The following GLT1D1 variants were observed in gnomAD, a reference collection of about 807,000 sequenced individuals.
The protein encoded by GLT1D1 is glycosyltransferase 1 domain-containing protein 1.
A neutral mutation model predicts 28.7 loss-of-function variants in GLT1D1; 21 were observed. That is an observed-to-expected ratio of 0.73 (90% CI 0.52 to 1.05). The LOEUF is 1.05. GLT1D1 is among the 50% of genes least tolerant of loss of function. The probability of loss-of-function intolerance (pLI) is 0.00; values close to 1 mark genes in which losing one functional copy is unlikely to be tolerated. For synonymous variants in GLT1D1, 147 were observed against 124.8 expected (o/e 1.18, Z -1.19); for missense variants, 343 against 330.6 (o/e 1.04, Z -0.29).
chr12:128,970,032 C>T (rs1878883269), intron 7 of GLT1D1, among the ~76,000 whole-genome samples: 1 of 152,210 alleles, frequency 6.6e-6, no homozygotes, highest in African/African-American at 2.4e-5. Flanking sequence ...AAATGCAGTC[C>T]CCAGTCAGCG....
chr12:128,971,356 T>G (rs1220501004), intron 7 of GLT1D1, among the ~76,000 whole-genome samples: 3 of 129,174 alleles, frequency 2.3e-5, no homozygotes, highest in Non-Finnish European at 4.8e-5. Flanking sequence ...CTTCATCTGT[T>G]CTTTGCTCCC....
At chr12:128,931,461 C>T (rs1873878404) in intron 4 of GLT1D1, among the ~76,000 whole-genome samples, 1 of 151,800 alleles carries the variant, frequency 6.6e-6, no homozygotes, top group East Asian at 1.9e-4. Context: ...GCGCCTACCA[C>T]TACGTCCGGC....
At chr12:128,912,187 T>G in intron 4 of GLT1D1, among the ~76,000 whole-genome samples, 1 of 152,182 alleles carries the variant, frequency 6.6e-6, no homozygotes, top group Admixed American at 6.5e-5. Context: ...AGAGACTTTT[T>G]GTGTGTGTGC....
chr12:128,889,017 G>T (rs1349666702), intron 3 of GLT1D1, among the ~76,000 whole-genome samples: 1 of 152,134 alleles, frequency 6.6e-6, no homozygotes, highest in South Asian at 2.1e-4. Context: ...AGTGAGGCAC[G>T]CCTGTGGTCC....
chr12:128,875,800 C>CAACAAA, intron 1 of GLT1D1, 114 bp from the exon 2 acceptor site: 4 of 919,276 alleles, frequency 4.4e-6, no homozygotes, highest in Non-Finnish European at 6.5e-6. Context: ...AACTCTGTCT[C>CAACAAA]AACAACAACA....
At chr12:128,943,349 TTC>T (rs1555272705) in intron 4 of GLT1D1, among the ~76,000 whole-genome samples, 1 of 152,030 alleles carries the variant, frequency 6.6e-6, no homozygotes, top group African/African-American at 2.4e-5. Flanking sequence ...GTTTTCTCTT[TTC>T]TCTCTTTTTT....
chr12:128,951,138 C>T (rs1593179564), intron 6 of GLT1D1, among the ~76,000 whole-genome samples: 2 of 152,112 alleles, frequency 1.3e-5, no homozygotes, highest in East Asian at 3.9e-4. Flanking sequence ...CGCGGTGGCT[C>T]ACGTCTATAA....
At chr12:128,885,645 T>G (rs1957158648) in intron 2 of GLT1D1, among the ~76,000 whole-genome samples, 1 of 152,214 alleles carries the variant, frequency 6.6e-6, no homozygotes, top group African/African-American at 2.4e-5. Flanking sequence ...CTGTCTGGAG[T>G]GAAAGTCCTG....
At chr12:128,936,758 G>A (rs1361157223) in intron 4 of GLT1D1, among the ~76,000 whole-genome samples, 2 of 152,132 alleles carry the variant, frequency 1.3e-5, no homozygotes, top group Non-Finnish European at 1.5e-5. Context: ...TTGTAACAAG[G>A]TATTTTGCTA....
chr12:128,901,725 A>G (rs1019959321), intron 4 of GLT1D1, among the ~76,000 whole-genome samples: 2 of 151,332 alleles, frequency 1.3e-5, no homozygotes, highest in Non-Finnish European at 2.9e-5. Flanking sequence ...GTGAGCCACC[A>G]TGCCTGGTCC....
intron 6 of GLT1D1, among the ~76,000 whole-genome samples, chr12:128,956,171 A>AAAAAAAAAAAAAAAAAAGAG (rs374597920): frequency 0.09 from 5,557 of 61,986 alleles, 1,255 homozygotes; most frequent in Non-Finnish European, 0.17. Flanking sequence ...AAAAAAAAAA[A>AAAAAAAAAAAAAAAAAAGAG]AGAGAAAGAG....
intron 4 of GLT1D1, among the ~76,000 whole-genome samples, chr12:128,912,119 T>C (rs981032311): frequency 1.3e-5 from 2 of 152,212 alleles, no homozygotes; most frequent in African/African-American, 4.8e-5. Flanking sequence ...TGAACTTCAG[T>C]AATGTCTCCA....
intron 1 of GLT1D1, among the ~76,000 whole-genome samples, chr12:128,869,231 G>A (rs531794812): frequency 5.3e-5 from 8 of 152,048 alleles, no homozygotes; most frequent in East Asian, 1.9e-4. Context: ...CAGTGGCACC[G>A]TCTTGACTCA....
chr12:128,959,505 G>C (rs1877718664), intron 7 of GLT1D1, among the ~76,000 whole-genome samples: 1 of 148,588 alleles, frequency 6.7e-6, no homozygotes, highest in Non-Finnish European at 1.5e-5. Context: ...GGTGGGGGTG[G>C]AGATTGCAAG....
chr12:128,910,683 C>CTTT (rs34557975), intron 4 of GLT1D1, among the ~76,000 whole-genome samples: 1 of 142,028 alleles, frequency 7.0e-6, no homozygotes, highest in Non-Finnish European at 1.5e-5. Context: ...CGCCTTTAGC[C>CTTT]TTTTTTTTTT....
intron 3 of GLT1D1, among the ~76,000 whole-genome samples, chr12:128,898,380 TTGCCCAGGC>T (rs1183577427): frequency 6.6e-6 from 1 of 152,168 alleles, no homozygotes; most frequent in Non-Finnish European, 1.5e-5. Flanking sequence ...TCTCCCTATG[TTGCCCAGGC>T]TGGTCTTGAA....
Position 128,958,342 on chromosome 12 carries a change from C to T in GLT1D1, c.639+699C>T, listed in dbSNP as rs367884207. The stretch of plus-strand genomic sequence containing the variant: ...AAGTGGAGCTCATAGTAATACTTGC[C>T]TCTTAGAGTTGTGACATGCGCTGAA... On this transcript the variant is annotated intron_variant, in intron 7 of 7. Transcript: ENST00000281703. Among the ~76,000 whole-genome samples, 129 of 152,278 alleles carry T rather than the reference C, an allele frequency of 8.5e-4. 1 individual carries two copies. The highest frequency in any genetic ancestry group is 3.0e-3 in the African/African-American group (124 of 41,554).
At chr12:128,940,877 C>T (rs1006423245) in intron 4 of GLT1D1, among the ~76,000 whole-genome samples, 6 of 152,136 alleles carry the variant, frequency 3.9e-5, no homozygotes, top group Non-Finnish European at 7.3e-5. Flanking sequence ...CAAAGTTGTG[C>T]AACCATCACA....
At chr12:128,963,901 C>G (rs1284601025) in intron 7 of GLT1D1, among the ~76,000 whole-genome samples, 2 of 152,222 alleles carry the variant, frequency 1.3e-5, no homozygotes, top group South Asian at 2.1e-4. Context: ...ATCGGCCCAT[C>G]ATGAGCGACA....
Sources: gnomAD v4.1 joint callset for allele counts (sites outside exome capture counted in the v4.1 genomes callset) on GRCh38, gnomAD v4.1.1 for gene constraint, MANE v1.5 for transcripts, NCBI Gene and HGNC (gene_info 2026-07-23, HGNC 2026-07-21) for gene names.